Variants in HECW2 observed in about 807,000 individuals in gnomAD.
HECW2 encodes E3 ubiquitin-protein ligase HECW2.
Under a neutral mutation model 175.2 loss-of-function variants are expected in HECW2, and 61 were observed. The observed-to-expected ratio is 0.35, with a 90% CI of 0.28 to 0.43. The LOEUF (loss-of-function observed/expected upper bound fraction) is 0.43. HECW2 is among the 20% of genes least tolerant of loss of function. HECW2 has a pLI of 1.00. For missense variants in HECW2, 1,524 were observed against 2,000.5 expected (o/e 0.76, Z 4.54); for synonymous variants, 671 against 731.0 (o/e 0.92, Z 1.32).
At chr2:196,576,945 T>C (rs989182578) in intron 1 of HECW2, among the ~76,000 whole-genome samples, 3 of 152,256 alleles carry the variant, frequency 2.0e-5, no homozygotes, top group African/African-American at 2.4e-5. Flanking sequence ...TTTTCAATCA[T>C]CTAAGAATAA....
At chr2:196,452,941 A>C (rs531954799) in intron 1 of HECW2, among the ~76,000 whole-genome samples, 6 of 152,040 alleles carry the variant, frequency 3.9e-5, no homozygotes, top group African/African-American at 1.4e-4. Context: ...ATGAGACTAA[A>C]CCCCATCTGT....
At chr2:196,217,295 C>A in intron 26 of HECW2, 1 of 420,240 alleles carries the variant, frequency 2.4e-6, no homozygotes, top group Non-Finnish European at 4.2e-6. Flanking sequence ...TTAAGTGAAA[C>A]CAAGAGGTCT....
At chr2:196,283,261 C>CA (rs1190850443) in intron 14 of HECW2, among the ~76,000 whole-genome samples, 1,280 of 45,156 alleles carry the variant, frequency 0.028, 40 homozygotes, top group African/African-American at 0.052. Context: ...GACTCCATCT[C>CA]AAAAAAAAAA....
chr2:196,507,019 G>A (rs1687782145), intron 1 of HECW2, among the ~76,000 whole-genome samples: 1 of 152,120 alleles, frequency 6.6e-6, no homozygotes, highest in African/African-American at 2.4e-5. Context: ...TATTGGAATG[G>A]CTATTAGAAT....
chr2:196,544,413 G>A (rs73989985), intron 1 of HECW2, among the ~76,000 whole-genome samples: 5,407 of 152,180 alleles, frequency 0.036, 318 homozygotes, highest in African/African-American at 0.12. Flanking sequence ...GGGGAGAGAC[G>A]GACAGTCAAG....
At chr2:196,454,106 G>A (rs1333171529) in intron 1 of HECW2, among the ~76,000 whole-genome samples, 2 of 152,046 alleles carry the variant, frequency 1.3e-5, no homozygotes, top group Admixed American at 1.3e-4. Flanking sequence ...TGCCTCCCAG[G>A]TTCAAGCAAT....
At chr2:196,589,388 A>G (rs949645902) in intron 1 of HECW2, among the ~76,000 whole-genome samples, 3 of 152,228 alleles carry the variant, frequency 2.0e-5, no homozygotes, top group African/African-American at 7.2e-5. Flanking sequence ...CTACTGCAGA[A>G]GCAAATGCCA....
chr2:196,497,431 C>A lies in HECW2; in HGVS notation c.-35-63973G>T, dbSNP rs142126280. Among the ~76,000 whole-genome samples the A allele has an allele frequency of 1.8e-4, 27 of 152,230 alleles. No individual in the cohort carries two copies. In the East Asian group the frequency reaches 4.8e-3, roughly 27 times the overall value. ...CTATTCATCTTTGTATCTCAAGGAC[C>A]AGCTCAATATCTGGTAGAGTAGAAG... is the stretch of plus-strand genomic sequence containing the variant. On this transcript the variant is annotated intron_variant, in intron 1 of 28. Transcript: ENST00000644978.
At chr2:196,474,969 C>T (rs139912023) in intron 1 of HECW2, among the ~76,000 whole-genome samples, 136 of 152,302 alleles carry the variant, frequency 8.9e-4, no homozygotes, top group African/African-American at 3.0e-3. Context: ...ACTCTCTGGG[C>T]CCAGCGAGCA....
At chr2:196,424,224 A>C (rs1695482151) in intron 2 of HECW2, among the ~76,000 whole-genome samples, 1 of 152,074 alleles carries the variant, frequency 6.6e-6, no homozygotes, top group Admixed American at 6.6e-5. Flanking sequence ...TAATCAATGA[A>C]TATTGTGTGT....
intron 17 of HECW2, among the ~76,000 whole-genome samples, chr2:196,270,217 C>G (rs1004120242): frequency 6.6e-6 from 1 of 152,158 alleles, no homozygotes; most frequent in Non-Finnish European, 1.5e-5. Flanking sequence ...TAGAGAAATA[C>G]TAGCCTAGAT....
At chr2:196,322,333 A>G (rs1438075424) in intron 7 of HECW2, 145 bp downstream of exon 7, 3 of 524,792 alleles carry the variant, frequency 5.7e-6, no homozygotes, top group Non-Finnish European at 9.6e-6. Flanking sequence ...GTACATTTTA[A>G]TAAGTGTAAG....
intron 13 of HECW2, among the ~76,000 whole-genome samples, chr2:196,302,338 G>T (rs1024190273): frequency 9.2e-5 from 14 of 152,342 alleles, no homozygotes; most frequent in African/African-American, 3.1e-4. Flanking sequence ...ATAGCTGTAA[G>T]TCAGGAAGTG....
intron 21 of HECW2, among the ~76,000 whole-genome samples, chr2:196,234,586 T>TG (rs1688173459): frequency 6.6e-6 from 1 of 152,110 alleles, no homozygotes; most frequent in African/African-American, 2.4e-5. Flanking sequence ...TGAGCCACCA[T>TG]GCCTAGCATC....
At chr2:196,406,860 C>T (rs914644621) in intron 2 of HECW2, among the ~76,000 whole-genome samples, 9 of 152,202 alleles carry the variant, frequency 5.9e-5, no homozygotes, top group African/African-American at 1.7e-4. Context: ...TTTCCTGACT[C>T]CCAATCTAAA....
intron 1 of HECW2, among the ~76,000 whole-genome samples, chr2:196,554,117 T>A (rs1689704086): frequency 6.6e-6 from 1 of 152,020 alleles, no homozygotes; most frequent in African/African-American, 2.4e-5. Context: ...GGCGGGCGGA[T>A]CACGAGGTCA....
At chr2:196,572,974 A>G (rs1690438198) in intron 1 of HECW2, among the ~76,000 whole-genome samples, 1 of 151,696 alleles carries the variant, frequency 6.6e-6, no homozygotes. Flanking sequence ...TAAGACGTGT[A>G]TATTACCAAA....
At chr2:196,433,977 T>G (rs1322090267) in intron 1 of HECW2, among the ~76,000 whole-genome samples, 1 of 152,196 alleles carries the variant, frequency 6.6e-6, no homozygotes, top group Non-Finnish European at 1.5e-5. Flanking sequence ...TGTTACCTCT[T>G]CTCCTAAATA....
chr2:196,416,336 C>T (rs1695256446), intron 2 of HECW2, among the ~76,000 whole-genome samples: 3 of 151,882 alleles, frequency 2.0e-5, no homozygotes, highest in Non-Finnish European at 4.4e-5. Context: ...AAAAAGGAAA[C>T]ATAAGAGATA....
Sources: allele counts gnomAD v4.1 joint callset (sites outside exome capture counted in the v4.1 genomes callset), GRCh38; gene constraint gnomAD v4.1.1; transcripts MANE v1.5; gene names NCBI Gene and HGNC (gene_info 2026-07-23, HGNC 2026-07-21).